COPG1: variants seen among roughly 807,000 people sequenced by gnomAD.
COPG1 encodes coat protein complex I subunit gamma 1.
A neutral mutation model predicts 102.8 loss-of-function variants in COPG1; 29 were observed. That is an observed-to-expected ratio of 0.28 (90% confidence interval 0.21 to 0.38). The LOEUF is 0.38. Among genes scored for constraint, COPG1 ranks in the 10% least tolerant of loss-of-function variants. The probability of loss-of-function intolerance (pLI) is 1.00; values close to 1 mark genes in which losing one functional copy is unlikely to be tolerated. For synonymous variants in COPG1, 406 were observed against 421.6 expected, an observed-to-expected ratio of 0.96 and a Z score of 0.45; for missense variants, 875 against 1,132.7, an observed-to-expected ratio of 0.77 and a Z score of 3.27.
In COPG1 at chr3:129,265,578, G is replaced by A; in HGVS notation, c.1254G>A (p.Val418=). The A allele has an allele frequency of 6.2e-7, 1 of 1,614,142 alleles. No individual in the cohort carries two copies. The highest frequency in any genetic ancestry group is 8.5e-7 in the Non-Finnish European group (1 of 1,180,022). The stretch of plus-strand genomic sequence containing the variant: ...GCTTTGAGTATAAGCGCGCTATCGT[G>A]GACTGCATCATCAGCATCATTGAAG... ...EGGFEYKRAI[V]DCIISIIEEN... The change falls in exon 14 of 24, where the codon GTG becomes GTA. Residue 418 remains valine (V), a synonymous_variant. Coordinates refer to ENST00000314797, the MANE Select transcript of COPG1 (RefSeq NM_016128.4).
At chr3:129,252,473 A>G (rs1939720665) in intron 3 of COPG1, 112 bp downstream of exon 3, 1 of 1,032,974 alleles carries the variant, frequency 9.7e-7, no homozygotes, top group Admixed American at 1.8e-5. Flanking sequence ...GCTGTAGACA[A>G]CAGCTCAGCT....
intron 14 of COPG1, among the ~76,000 whole-genome samples, chr3:129,266,267 G>C (rs943798177): frequency 6.6e-6 from 1 of 151,968 alleles, no homozygotes; most frequent in Non-Finnish European, 1.5e-5. Context: ...CACCGTGCTC[G>C]GCCATGGTTC....
chr3:129,263,784 C>T (rs1939994451), intron 12 of COPG1, 120 bp from the exon 13 acceptor site: 2 of 796,182 alleles, frequency 2.5e-6, no homozygotes, highest in Admixed American at 2.0e-5. Flanking sequence ...GGTCTCCTTG[C>T]CCTTGTGTCA....
chr3:129,272,185 C>T (rs780560577), intron 19 of COPG1, 59 bp from the exon 20 acceptor site: 41 of 1,504,414 alleles, frequency 2.7e-5, no homozygotes, highest in Non-Finnish European at 3.7e-5. Flanking sequence ...CTGGCTTTTC[C>T]TCTGCAGCAT....
At position 129,267,107 on chromosome 3, in the gene COPG1, T is replaced by G. The variant is rs759630186; in HGVS notation, c.1544+8T>G. The G allele has an allele frequency of 5.6e-6, 9 of 1,612,172 alleles. No homozygotes were observed. Among genetic ancestry groups the G allele is most frequent in the Non-Finnish European group, 5.9e-6 (7 of 1,178,608 alleles). ...CTTGGTGTTGCTGAAGAGGTGAGTCTAGGCCCAGGGGCCCTAATGGGGACA... is the reference window on the plus strand; with the variant it reads ...CTTGGTGTTGCTGAAGAGGTGAGTCGAGGCCCAGGGGCCCTAATGGGGACA... On this transcript the variant is annotated splice_region_variant and intron_variant, in intron 15 of 23. Coordinates refer to ENST00000314797, the MANE Select transcript of COPG1 (RefSeq NM_016128.4).
chr3:129,263,563 G>T (rs1321170318), intron 12 of COPG1, among the ~76,000 whole-genome samples: 1 of 152,204 alleles, frequency 6.6e-6, no homozygotes, highest in East Asian at 1.9e-4. Context: ...CAGAGGAGAT[G>T]ATGGGTGGGA....
intron 12 of COPG1, among the ~76,000 whole-genome samples, chr3:129,263,697 C>T (rs1939993052): frequency 6.6e-6 from 1 of 152,110 alleles, no homozygotes; most frequent in African/African-American, 2.4e-5. Context: ...GAGTCTGACA[C>T]TGGGGCTGTT....
intron 18 of COPG1, 62 bp downstream of exon 18, chr3:129,269,062 A>G: frequency 7.1e-7 from 1 of 1,405,638 alleles, no homozygotes; most frequent in Non-Finnish European, 1.0e-6. Context: ...GGGGTTCAAG[A>G]GTAAGAACTG....
intron 5 of COPG1, 137 bp downstream of exon 5, chr3:129,253,092 C>G (rs1939734384): frequency 4.5e-5 from 30 of 669,856 alleles, no homozygotes; most frequent in Non-Finnish European, 5.3e-6. Context: ...GTTACCACTG[C>G]CCACCCCATG....
At chr3:129,250,818 GT>G (rs1417257445) in intron 2 of COPG1, 84 bp downstream of exon 2, 2 of 1,129,368 alleles carry the variant, frequency 1.8e-6, no homozygotes, top group African/African-American at 3.1e-5. Context: ...TCAAAGTGTT[GT>G]TTTAAAGAGC....
At chr3:129,270,110 C>A (rs1402210277) in intron 18 of COPG1, among the ~76,000 whole-genome samples, 1 of 149,326 alleles carries the variant, frequency 6.7e-6, no homozygotes, top group African/African-American at 2.5e-5. Context: ...TTACACTGGC[C>A]CCCCCTGGAT....
intron 12 of COPG1, among the ~76,000 whole-genome samples, chr3:129,263,524 C>G (rs1227059575): frequency 6.6e-6 from 1 of 151,994 alleles, no homozygotes; most frequent in Non-Finnish European, 1.5e-5. Flanking sequence ...GACAGAATAC[C>G]CCAGAGACAG....
chr3:129,252,889 G>A lies in COPG1; in HGVS notation c.257G>A (p.Arg86Gln), dbSNP rs140716300. The change falls in exon 5 of 24, where the codon CGG becomes CAG. Residue 86 changes from arginine (R) to glutamine (Q), a missense_variant. Coordinates refer to ENST00000314797, the MANE Select transcript of COPG1 (RefSeq NM_016128.4). Reference protein sequence around the residue: ...LFQSNDPTLRRMCYLTIKEMS... With the variant: ...LFQSNDPTLRQMCYLTIKEMS... ...CCTATCTCCCAGCCCACACTCCGTC[G>A]GATGTGCTACTTGACCATCAAGGAG... The A allele has an allele frequency of 1.3e-3, 2,169 of 1,614,156 alleles. 7 individuals are homozygous for A. Among genetic ancestry groups the A allele is most frequent in the Non-Finnish European group, 1.8e-3 (2,070 of 1,179,996 alleles).
intron 15 of COPG1, chr3:129,267,385 G>A: frequency 3.4e-6 from 1 of 291,894 alleles, no homozygotes; most frequent in Non-Finnish European, 6.6e-6. Flanking sequence ...ACTTTGGGAG[G>A]CCAAGGCGGG....
chr3:129,264,414 T>C (rs1163813737), intron 13 of COPG1, among the ~76,000 whole-genome samples: 1 of 152,210 alleles, frequency 6.6e-6, no homozygotes, highest in Non-Finnish European at 1.5e-5. Flanking sequence ...ATGCCACCTT[T>C]CTTGGACGTC....
chr3:129,256,207 C>T lies in COPG1; in HGVS notation c.579+53C>T, dbSNP rs1388419613. On this transcript the variant is annotated intron_variant, in intron 8 of 23. Transcript: ENST00000314797. ...TAAAACACTCAGGCAGGTGGTAAGG[C>T]ACTGGCCAGTTGGCATGGACACTTG... 4 of 1,512,422 alleles carry T rather than the reference C, an allele frequency of 2.6e-6. No individual in the cohort carries two copies. The African/African-American group carries it at 4.1e-5, about 16-fold the overall frequency. 93.7% of individuals were successfully genotyped at this position (1,512,422 alleles called of 1,614,324 possible).
intron 1 of COPG1, among the ~76,000 whole-genome samples, chr3:129,250,206 T>C (rs1939665232): frequency 6.6e-6 from 1 of 152,188 alleles, no homozygotes; most frequent in Non-Finnish European, 1.5e-5. Flanking sequence ...TACTGTACGG[T>C]GTCCTGGATA....
intron 21 of COPG1, chr3:129,273,987 G>A: frequency 2.2e-6 from 1 of 455,346 alleles, no homozygotes; most frequent in South Asian, 1.6e-5. Context: ...CTGTGGATGG[G>A]GACTGTTAGA....
At position 129,275,206 on chromosome 3, in the gene COPG1, A is replaced by G. The variant is rs760971169; in HGVS notation, c.2408A>G (p.Asn803Ser). ...TTTCTCATTACAGAGGCTGTGGGTA[A>G]TATTGTGAAGTTCTTGGGAATGCAC... ...TIKTLEEAVG[N>S]IVKFLGMHPC... Residue 803 changes from asparagine (N) to serine (S), a missense_variant, in exon 23 of 24, where the codon AAT (asparagine) becomes AGT (serine). Coordinates refer to ENST00000314797, the MANE Select transcript of COPG1 (RefSeq NM_016128.4). This position sits in a 1 kb window ranked among gnomAD's most constrained non-coding sequence, Gnocchi z 5.0. The G allele has an allele frequency of 2.2e-5, 36 of 1,614,026 alleles. No individual in the cohort carries two copies. Among genetic ancestry groups the G allele is most frequent in the Non-Finnish European group, 2.6e-5 (31 of 1,179,966 alleles).
Sources: allele counts gnomAD v4.1 joint callset (sites outside exome capture counted in the v4.1 genomes callset), GRCh38; gene constraint gnomAD v4.1.1; non-coding constraint Gnocchi (gnomAD v3.1); transcripts MANE v1.5; gene names NCBI Gene and HGNC (gene_info 2026-07-23, HGNC 2026-07-21).